Variants in RARB observed in about 807,000 individuals in gnomAD.
RARB encodes the protein HBV-activated protein.
RARB carries 17 observed loss-of-function variants against 51.9 expected under a neutral mutation model. The observed-to-expected ratio is 0.33, with a 90% CI of 0.22 to 0.49. The LOEUF is 0.49. Ranked by LOEUF, RARB falls within the 20% of genes least tolerant of loss-of-function variation. RARB has a pLI of 0.99. For missense variants in RARB, 369 were observed against 550.8 expected (o/e 0.67, Z 3.30); for synonymous variants, 215 against 195.4 (o/e 1.10, Z -0.84).
At chr3:25,486,761 T>C (rs1230886229) in intron 2 of RARB, among the ~76,000 whole-genome samples, 9 of 152,298 alleles carry the variant, frequency 5.9e-5, no homozygotes, top group South Asian at 2.1e-4. Context: ...CCAGCACATA[T>C]ATGCATTTCC....
intron 5 of RARB, among the ~76,000 whole-genome samples, chr3:25,291,268 T>C (rs1198445016): frequency 1.3e-5 from 2 of 152,070 alleles, no homozygotes; most frequent in African/African-American, 4.8e-5. Flanking sequence ...TCAGTTCGAG[T>C]TCAAGCATGG....
chr3:25,210,668 T>A (rs1211515702), intron 5 of RARB, among the ~76,000 whole-genome samples: 1 of 151,274 alleles, frequency 6.6e-6, no homozygotes, highest in Non-Finnish European at 1.5e-5. Context: ...CCTGAGTAAC[T>A]GGGGTTGCAG....
chr3:25,420,724 G>A (rs933179557), intron 5 of RARB, among the ~76,000 whole-genome samples: 1 of 152,084 alleles, frequency 6.6e-6, no homozygotes, highest in Non-Finnish European at 1.5e-5. Context: ...TGAATGGATG[G>A]GTGGATAGGT....
At chr3:25,499,746 G>A (rs775416798) in intron 2 of RARB, among the ~76,000 whole-genome samples, 5 of 152,176 alleles carry the variant, frequency 3.3e-5, no homozygotes, top group African/African-American at 4.8e-5. Context: ...AGGAGGATAT[G>A]AGAAAGATAT....
chr3:25,050,441 A>T (rs530182648), intron 2 of RARB, among the ~76,000 whole-genome samples: 1 of 152,342 alleles, frequency 6.6e-6, no homozygotes, highest in South Asian at 2.1e-4. Flanking sequence ...TTTAAAAAAA[A>T]AAATTAACTC....
At chr3:24,884,675 C>T (rs147933117) in intron 2 of RARB, among the ~76,000 whole-genome samples, 5 of 151,994 alleles carry the variant, frequency 3.3e-5, no homozygotes, top group Non-Finnish European at 4.4e-5. Context: ...AGCTCTTTGA[C>T]GTTATTGAGA....
At chr3:25,246,043 G>A (rs1388342097) in intron 5 of RARB, among the ~76,000 whole-genome samples, 3 of 151,586 alleles carry the variant, frequency 2.0e-5, no homozygotes, top group African/African-American at 7.3e-5. Context: ...CTCTAATCTT[G>A]TCTTCATGCT....
chr3:24,915,674 G>T (rs1168991281), intron 2 of RARB, among the ~76,000 whole-genome samples: 9 of 152,318 alleles, frequency 5.9e-5, no homozygotes, highest in African/African-American at 1.7e-4. Context: ...ATACAGCGTT[G>T]TGGGTGTTGT....
At chr3:25,138,042 T>G (rs73048404) in intron 4 of RARB, among the ~76,000 whole-genome samples, 14,325 of 152,138 alleles carry the variant, frequency 0.094, 857 homozygotes, top group Non-Finnish European at 0.14. Flanking sequence ...ACTGAAGAGA[T>G]AAAAGTCTAG....
At chr3:24,881,567 T>A (rs1703167516) in intron 2 of RARB, among the ~76,000 whole-genome samples, 1 of 152,206 alleles carries the variant, frequency 6.6e-6, no homozygotes, top group African/African-American at 2.4e-5. Context: ...AAATCTTGAA[T>A]ATTTTCATAA....
chr3:25,402,740 G>C (rs1205553527), intron 5 of RARB, among the ~76,000 whole-genome samples: 1 of 152,054 alleles, frequency 6.6e-6, no homozygotes, highest in African/African-American at 2.4e-5. Flanking sequence ...CTTATTTGTG[G>C]GATCTAAAAA....
At chr3:25,143,485 A>G (rs1197844545) in intron 4 of RARB, among the ~76,000 whole-genome samples, 1 of 152,180 alleles carries the variant, frequency 6.6e-6, no homozygotes, top group Non-Finnish European at 1.5e-5. Context: ...GGCAGCCTCC[A>G]GTAGGGAGGC....
At chr3:25,471,102 C>G (rs1695666586) in intron 2 of RARB, among the ~76,000 whole-genome samples, 1 of 152,110 alleles carries the variant, frequency 6.6e-6, no homozygotes, top group African/African-American at 2.4e-5. Flanking sequence ...TGAATTGCAT[C>G]TAATTACATA....
At chr3:25,000,772 T>C (rs1368066323) in intron 2 of RARB, among the ~76,000 whole-genome samples, 1 of 152,114 alleles carries the variant, frequency 6.6e-6, no homozygotes, top group Non-Finnish European at 1.5e-5. Flanking sequence ...AATCTGTCAG[T>C]AATAATTGTA....
chr3:25,524,126 A>G (rs1698531612), intron 3 of RARB, among the ~76,000 whole-genome samples: 1 of 152,172 alleles, frequency 6.6e-6, no homozygotes, highest in South Asian at 2.1e-4. Context: ...AGTATCCAAG[A>G]AGCATTTGAA....
chr3:25,397,281 A>G (rs1289488875), intron 5 of RARB, among the ~76,000 whole-genome samples: 2 of 152,122 alleles, frequency 1.3e-5, no homozygotes, highest in Non-Finnish European at 2.9e-5. Flanking sequence ...CTTCTAGGTA[A>G]GGTTAAATCC....
intron 2 of RARB, among the ~76,000 whole-genome samples, chr3:24,951,280 T>A (rs919989323): frequency 2.0e-5 from 3 of 151,900 alleles, no homozygotes; most frequent in Admixed American, 6.6e-5. Context: ...AGAAGACACA[T>A]CCCATGCAGA....
At chr3:25,026,219 G>A (rs1697745399) in intron 2 of RARB, among the ~76,000 whole-genome samples, 1 of 152,212 alleles carries the variant, frequency 6.6e-6, no homozygotes. Flanking sequence ...GTTGACCCAT[G>A]TGTAAGGAGA....
chr3:25,116,827 C>T (rs1314813809), intron 3 of RARB, among the ~76,000 whole-genome samples: 3 of 152,064 alleles, frequency 2.0e-5, no homozygotes, highest in African/African-American at 7.2e-5. Context: ...TCTATTGCTG[C>T]ATTACCCTAG....
Sources: gnomAD v4.1 joint callset for allele counts (sites outside exome capture counted in the v4.1 genomes callset) on GRCh38, gnomAD v4.1.1 for gene constraint, MANE v1.5 for transcripts, NCBI Gene and HGNC (gene_info 2026-07-23, HGNC 2026-07-21) for gene names.